Variants in ADAMTSL1 observed in about 807,000 individuals in gnomAD.
ADAMTSL1 encodes ADAMTS like 1.
A neutral mutation model predicts 201.8 loss-of-function variants in ADAMTSL1; 126 were observed. The observed-to-expected ratio is 0.62, with a 90% CI of 0.54 to 0.72. The LOEUF (loss-of-function observed/expected upper bound fraction) is 0.72. ADAMTSL1 is among the 30% of genes least tolerant of loss of function. ADAMTSL1 has a pLI of 0.00. For synonymous variants in ADAMTSL1, 1,121 were observed against 903.4 expected (o/e 1.24, Z -4.32); for missense variants, 2,679 against 2,277.8 (o/e 1.18, Z -3.59).
chr9:18,357,039 A>G (rs895247428), intron 2 of ADAMTSL1, among the ~76,000 whole-genome samples: 1 of 152,140 alleles, frequency 6.6e-6, no homozygotes, highest in Non-Finnish European at 1.5e-5. Flanking sequence ...GGAGGCCTCA[A>G]ATTTGTCACT....
chr9:18,115,343 G>T (rs541659021), intron 1 of ADAMTSL1, among the ~76,000 whole-genome samples: 33 of 152,238 alleles, frequency 2.2e-4, no homozygotes, highest in Non-Finnish European at 4.3e-4. Context: ...TTTCTGGAAG[G>T]CAGGCAGGAA....
chr9:18,558,179 G>A (rs891081057), intron 3 of ADAMTSL1, among the ~76,000 whole-genome samples: 10 of 151,960 alleles, frequency 6.6e-5, no homozygotes, highest in African/African-American at 2.2e-4. Context: ...CTCCCAACAG[G>A]CCCCAGTGTG....
intron 2 of ADAMTSL1, among the ~76,000 whole-genome samples, chr9:18,299,933 A>T (rs189931300): frequency 6.6e-6 from 1 of 152,370 alleles, no homozygotes; most frequent in East Asian, 1.9e-4. Flanking sequence ...CCTAGTAGAA[A>T]CATTACTAAG....
At chr9:18,116,375 C>G (rs1394661623) in intron 1 of ADAMTSL1, among the ~76,000 whole-genome samples, 1 of 152,120 alleles carries the variant, frequency 6.6e-6, no homozygotes, top group Non-Finnish European at 1.5e-5. Context: ...GAAACACACA[C>G]CTTTGAGAAC....
At chr9:18,081,305 T>C (rs1254188697) in intron 1 of ADAMTSL1, among the ~76,000 whole-genome samples, 3 of 152,228 alleles carry the variant, frequency 2.0e-5, no homozygotes, top group Admixed American at 6.5e-5. Context: ...AGAGTAATTG[T>C]TTTACATGTA....
At chr9:18,237,982 A>C (rs888662374) in intron 2 of ADAMTSL1, among the ~76,000 whole-genome samples, 1 of 152,218 alleles carries the variant, frequency 6.6e-6, no homozygotes, top group Non-Finnish European at 1.5e-5. Flanking sequence ...CATTGCTCAC[A>C]CTGCTTTGCC....
chr9:18,896,628 G>A (rs1829653669), intron 26 of ADAMTSL1, among the ~76,000 whole-genome samples: 1 of 152,146 alleles, frequency 6.6e-6, no homozygotes, highest in Non-Finnish European at 1.5e-5. Flanking sequence ...GAGCAGCACA[G>A]AGCCAAAAAA....
In ADAMTSL1 at chr9:18,611,788, A is replaced by G. The variant is rs113172697; in HGVS notation, c.475-10455A>G. Among the ~76,000 whole-genome samples the G allele has an allele frequency of 2.6e-3, 389 of 152,304 alleles. 4 individuals carry two copies. Among genetic ancestry groups the G allele is most frequent in the African/African-American group, 9.1e-3 (378 of 41,568 alleles). On this transcript the variant is annotated intron_variant, in intron 4 of 28. Transcript: ENST00000380548. ...AGAAATAGGACTCTTAAAAATTAGC[A>G]CCTGGCAAAAGTTTATTCCTATGAA...
intron 4 of ADAMTSL1, among the ~76,000 whole-genome samples, chr9:18,613,991 A>C (rs1221792324): frequency 1.3e-5 from 2 of 152,236 alleles, no homozygotes; most frequent in South Asian, 2.1e-4. Context: ...CGAAGACTTC[A>C]AAGAGTCAGA....
intron 14 of ADAMTSL1, among the ~76,000 whole-genome samples, chr9:18,708,982 G>A (rs1832391017): frequency 6.6e-6 from 1 of 152,172 alleles, no homozygotes; most frequent in Non-Finnish European, 1.5e-5. Flanking sequence ...TTGGATGTTT[G>A]AGATACAATT....
At chr9:18,889,475 C>G (rs1040477669) in intron 24 of ADAMTSL1, 93 bp from the exon 25 acceptor site, 2 of 1,379,336 alleles carry the variant, frequency 1.4e-6, no homozygotes, top group Non-Finnish European at 2.0e-6. Flanking sequence ...CAAATCCACC[C>G]CTGTCACCTT....
chr9:18,609,318 C>G (rs1182643971), intron 4 of ADAMTSL1, among the ~76,000 whole-genome samples: 1 of 151,180 alleles, frequency 6.6e-6, no homozygotes, highest in Admixed American at 6.6e-5. Flanking sequence ...TACTCCACAG[C>G]AATTTCAGAA....
chr9:18,291,435 A>G (rs1014668712), intron 2 of ADAMTSL1, among the ~76,000 whole-genome samples: 8 of 152,204 alleles, frequency 5.3e-5, no homozygotes, highest in African/African-American at 1.9e-4. Flanking sequence ...TATGCTAGGC[A>G]CTATTCTAGG....
intron 15 of ADAMTSL1, among the ~76,000 whole-genome samples, chr9:18,739,054 C>A (rs1244679484): frequency 6.6e-6 from 1 of 152,122 alleles, no homozygotes; most frequent in African/African-American, 2.4e-5. Flanking sequence ...CAAGTTACTT[C>A]AATTGCCCTA....
intron 16 of ADAMTSL1, among the ~76,000 whole-genome samples, chr9:18,764,556 G>A (rs1336115198): frequency 6.6e-6 from 1 of 152,180 alleles, no homozygotes; most frequent in Non-Finnish European, 1.5e-5. Context: ...AGCACATCTT[G>A]GAAGTCTCTG....
At chr9:18,024,714 C>T (rs1201176735) in intron 1 of ADAMTSL1, among the ~76,000 whole-genome samples, 1 of 152,086 alleles carries the variant, frequency 6.6e-6, no homozygotes, top group African/African-American at 2.4e-5. Flanking sequence ...GTGCATAGTG[C>T]TGCAATGAAC....
intron 1 of ADAMTSL1, among the ~76,000 whole-genome samples, chr9:17,940,561 G>A (rs1389471088): frequency 6.6e-6 from 1 of 151,960 alleles, no homozygotes; most frequent in East Asian, 1.9e-4. Context: ...AGTTGGAATT[G>A]GCTAGGAGGC....
At chr9:18,008,595 CA>C (rs1819927919) in intron 1 of ADAMTSL1, among the ~76,000 whole-genome samples, 1 of 151,900 alleles carries the variant, frequency 6.6e-6, no homozygotes, top group Admixed American at 6.6e-5. Context: ...GGAATTTGCT[CA>C]TTACAGTCTA....
intron 4 of ADAMTSL1, among the ~76,000 whole-genome samples, chr9:18,584,886 T>G (rs550563992): frequency 1.3e-5 from 2 of 152,292 alleles, no homozygotes; most frequent in South Asian, 4.1e-4. Context: ...AATTTCCCAG[T>G]CTCCAGAATT....
Sources: gnomAD v4.1 joint callset for allele counts (sites outside exome capture counted in the v4.1 genomes callset) on GRCh38, gnomAD v4.1.1 for gene constraint, MANE v1.5 for transcripts, NCBI Gene and HGNC (gene_info 2026-07-23, HGNC 2026-07-21) for gene names.